The following PGR variants were observed in gnomAD, a reference collection of about 807,000 sequenced individuals.
PGR encodes the protein progesterone receptor, also known as nuclear receptor subfamily 3 group C member 3.
In PGR, 25 loss-of-function variants were observed where a neutral mutation model predicts 76.1. The ratio of observed to expected loss-of-function variants is 0.33; its 90% CI spans 0.24 to 0.46. The LOEUF is 0.46. Among genes scored for constraint, PGR ranks in the 20% least tolerant of loss-of-function variants. The pLI is 1.00. For missense variants in PGR, 1,172 were observed against 1,225.3 expected (o/e 0.96, Z 0.65); for synonymous variants, 579 against 535.0 (o/e 1.08, Z -1.14).
rs1170835570 is a variant in PGR, at chr11:101,091,691, A to AT, written c.1906+68dup. The AT allele has an allele frequency of 4.4e-5, 39 of 885,390 alleles. No homozygotes were observed. In the Admixed American group the frequency reaches 6.2e-4, roughly 14 times the overall value. The allele number at this position is 885,390 out of a possible 1,614,324, so 54.8% of individuals were successfully genotyped here. ...AAACAAAGATGAATAAGAAATTGCA[A>AT]TTTTCTGACACACAGTTTTATAGTA... is the stretch of plus-strand genomic sequence containing the variant. On this transcript the variant is annotated intron_variant, in intron 3 of 7. Transcript: ENST00000325455.
Position 101,128,212 on chromosome 11 carries a change from C to T in PGR, c.859G>A (p.Ala287Thr), listed in dbSNP as rs775608193. 1.9e-6 allele frequency: 3 copies of T among 1,598,218 alleles called. No homozygotes were observed. The highest frequency in any genetic ancestry group is 1.3e-5 in the African/African-American group (1 of 75,044). ...GGGGAGCGCCCGGGCGCCATCGGCG[C>T]GTCCTGCTCCACCAGGGCGACCCTG... ...APRVALVEQD[A>T]PMAPGRSPLA... The change falls in exon 1 of 8, where the codon GCG becomes ACG. Residue 287 changes from alanine (A) to threonine (T), a missense_variant. Transcript: ENST00000325455.
chr11:101,076,919 A>AT (rs59106149), intron 3 of PGR, among the ~76,000 whole-genome samples: 7,634 of 64,684 alleles, frequency 0.12, 1,343 homozygotes, highest in Non-Finnish European at 0.18. Flanking sequence ...TACAAATGGA[A>AT]TTTTTTTTTT....
chr11:101,105,654 A>G (rs1862134169), intron 2 of PGR, among the ~76,000 whole-genome samples: 1 of 152,186 alleles, frequency 6.6e-6, no homozygotes, highest in South Asian at 2.1e-4. Context: ...CATACTGCCC[A>G]AAGTAATTTA....
chr11:101,117,134 A>G (rs1862536598), intron 2 of PGR, among the ~76,000 whole-genome samples: 1 of 152,186 alleles, frequency 6.6e-6, no homozygotes, highest in South Asian at 2.1e-4. Flanking sequence ...GTTGGGCCAA[A>G]GTAACGCATA....
At chr11:101,042,717 G>C (rs11224567) in intron 6 of PGR, among the ~76,000 whole-genome samples, 1 of 152,034 alleles carries the variant, frequency 6.6e-6, no homozygotes, top group Admixed American at 6.6e-5. Context: ...AGATATAGCC[G>C]GTTTGGTTCC....
At chr11:101,088,093 G>A (rs1244123591) in intron 3 of PGR, among the ~76,000 whole-genome samples, 3 of 152,032 alleles carry the variant, frequency 2.0e-5, no homozygotes, top group Non-Finnish European at 2.9e-5. Context: ...AGCTACTCAG[G>A]ATGCTGAGGT....
chr11:101,036,074 G>A lies in PGR; in HGVS notation c.*3042C>T, dbSNP rs1859506805. 4.5e-6 allele frequency: 1 copy of A among 221,098 alleles called. No homozygotes were observed. Among genetic ancestry groups the A allele is most frequent in the Non-Finnish European group, 9.0e-6 (1 of 110,628 alleles). The allele number at this position is 221,098 out of a possible 1,614,324, so 13.7% of individuals were successfully genotyped here. On this transcript the variant is annotated 3_prime_UTR_variant, in exon 8 of 8. Coordinates refer to ENST00000325455, the MANE Select transcript of PGR (RefSeq NM_000926.4). ...CATCCAGCTAGTAAGTGGCAGAGAA[G>A]GGGGGCACAGTCCTATGTCAGTTAT...
chr11:101,067,840 T>C (rs1412916972), intron 3 of PGR, among the ~76,000 whole-genome samples: 1 of 151,930 alleles, frequency 6.6e-6, no homozygotes, highest in East Asian at 1.9e-4. Context: ...TAAGATCAAA[T>C]TGCATAAATA....
chr11:101,084,566 G>C (rs996720210), intron 3 of PGR, among the ~76,000 whole-genome samples: 2 of 152,028 alleles, frequency 1.3e-5, no homozygotes, highest in Non-Finnish European at 2.9e-5. Flanking sequence ...GCTGAGACAG[G>C]AGAATTGCTT....
intron 7 of PGR, among the ~76,000 whole-genome samples, chr11:101,041,070 G>T (rs891297847): frequency 3.9e-5 from 5 of 127,888 alleles, no homozygotes; most frequent in South Asian, 2.3e-4. Flanking sequence ...CTGTTCTCAT[G>T]TCATGGATAC....
At chr11:101,079,099 T>C (rs1375040080) in intron 3 of PGR, among the ~76,000 whole-genome samples, 1 of 152,066 alleles carries the variant, frequency 6.6e-6, no homozygotes, top group Non-Finnish European at 1.5e-5. Flanking sequence ...CAGAACTAGA[T>C]CACTATCACT....
At chr11:101,070,821 G>T (rs1314400334) in intron 3 of PGR, among the ~76,000 whole-genome samples, 1 of 152,208 alleles carries the variant, frequency 6.6e-6, no homozygotes, top group Non-Finnish European at 1.5e-5. Context: ...AGCAGCCCCA[G>T]TCAGGGGCTT....
chr11:101,051,765 T>C (rs1860096873), intron 4 of PGR, among the ~76,000 whole-genome samples, 197 bp from the exon 5 acceptor site: 1 of 152,216 alleles, frequency 6.6e-6, no homozygotes. Context: ...GGAAGTCACT[T>C]GAAATTAGTC....
chr11:101,107,824 A>G (rs1040425279), intron 2 of PGR, among the ~76,000 whole-genome samples: 1 of 146,684 alleles, frequency 6.8e-6, no homozygotes, highest in Non-Finnish European at 1.5e-5. Context: ...TTCTGTTATA[A>G]CTTTCTAGAA....
chr11:101,071,221 G>A (rs1428351914), intron 3 of PGR, among the ~76,000 whole-genome samples: 2 of 152,302 alleles, frequency 1.3e-5, no homozygotes, highest in East Asian at 3.9e-4. Context: ...CAGCAGACCT[G>A]CAGCAGAGGG....
chr11:101,127,622 C>G lies in PGR; in HGVS notation c.1449G>C (p.Pro483=), dbSNP rs1591438287. Residue 483 remains proline (P), a synonymous_variant, in exon 1 of 8, where the codon CCG becomes CCC. Transcript: ENST00000325455. ...GPFAPPPCKA[P]GASGCLLPRD... ...GCGGGAGCAGGCAGCCGCTCGCGCC[C>G]GGCGCCTTGCAGGGCGGCGGCGCGA... 7.6e-7 allele frequency: 1 copy of G among 1,321,296 alleles called. No homozygotes were observed. The highest frequency in any genetic ancestry group is 9.6e-7 in the Non-Finnish European group (1 of 1,044,870). 81.8% of individuals were successfully genotyped at this position (1,321,296 alleles called of 1,614,324 possible). A position where few individuals can be genotyped will look rare whatever the true frequency, so the allele number is the denominator to read the frequency against.
chr11:101,119,582 T>C (rs1456312900), intron 2 of PGR, among the ~76,000 whole-genome samples: 2 of 152,136 alleles, frequency 1.3e-5, no homozygotes, highest in East Asian at 3.9e-4. Flanking sequence ...CTCGAATAAA[T>C]ACTTGATTGA....
At chr11:101,094,413 G>T (rs1284540432) in intron 2 of PGR, among the ~76,000 whole-genome samples, 1 of 151,964 alleles carries the variant, frequency 6.6e-6, no homozygotes, top group East Asian at 1.9e-4. Context: ...TTCATATTTT[G>T]GGGCCTCTCT....
chr11:101,127,440 T>C lies in PGR; in HGVS notation c.1631A>G (p.Tyr544Cys). ...LPQVYPPYLN[Y>C]LRPDSEASQS... ...CCCCGTCCCGGGCCCTCACCTCAGG[T>C]AGTTGAGATAGGGCGGGTAGACCTG... The change falls in exon 1 of 8, where the codon TAC (tyrosine) becomes TGC (cysteine). Residue 544 changes from tyrosine to cysteine, a missense_variant. Physicochemically the swap from Tyr to Cys is radical, Grantham distance 194. Transcript: ENST00000325455. The C allele has an allele frequency of 6.5e-7, 1 of 1,548,930 alleles. No homozygotes were observed. The highest frequency in any genetic ancestry group is 1.4e-5 in the African/African-American group (1 of 70,438).
Sources: gnomAD v4.1 joint callset for allele counts (sites outside exome capture counted in the v4.1 genomes callset) on GRCh38, gnomAD v4.1.1 for gene constraint, MANE v1.5 for transcripts, NCBI Gene and HGNC (gene_info 2026-07-23, HGNC 2026-07-21) for gene names.